APBA2: variants seen among roughly 807,000 people sequenced by gnomAD.
The protein encoded by APBA2 is amyloid beta precursor protein binding family A member 2.
APBA2 carries 30 observed loss-of-function variants against 75.0 expected under a neutral mutation model. The ratio of observed to expected loss-of-function variants is 0.40; its 90% CI spans 0.30 to 0.54. APBA2 has a LOEUF of 0.54. Ranked by LOEUF, APBA2 falls within the 20% of genes least tolerant of loss-of-function variation. The probability of loss-of-function intolerance (pLI) is 0.49; values close to 1 mark genes in which losing one functional copy is unlikely to be tolerated. For synonymous variants in APBA2, 444 were observed against 409.6 expected (o/e 1.08, Z -1.01); for missense variants, 801 against 1,016.1 (o/e 0.79, Z 2.88).
At chr15:29,092,504 G>T (rs1297688037) in intron 6 of APBA2, among the ~76,000 whole-genome samples, 1 of 152,174 alleles carries the variant, frequency 6.6e-6, no homozygotes, top group African/African-American at 2.4e-5. Context: ...TTCCATTGTG[G>T]CTGGCAGGAA....
At chr15:28,919,663 G>A (rs2033866852) in intron 1 of APBA2, among the ~76,000 whole-genome samples, 1 of 152,168 alleles carries the variant, frequency 6.6e-6, no homozygotes, top group South Asian at 2.1e-4. Context: ...CCTGCAGCGG[G>A]GACTCAGTGA....
chr15:29,046,590 G>T lies in APBA2; in HGVS notation c.-40-7255G>T, dbSNP rs1307463008. Among the ~76,000 whole-genome samples the T allele has an allele frequency of 2.0e-5, 3 of 152,244 alleles. No homozygotes were observed. The highest frequency in any genetic ancestry group is 2.0e-4 in the Admixed American group (3 of 15,290). On this transcript the variant is annotated intron_variant, in intron 3 of 14. Transcript: ENST00000683413. The surrounding 1 kb of genome is among the most constrained non-coding windows in gnomAD (Gnocchi z 5.0). ...CATCTACTTAGGGCAGAGTTTTCAAGTGCAGTCTTTGGACCTCCAACATGA... is the reference window on the plus strand; with the variant it reads ...CATCTACTTAGGGCAGAGTTTTCAATTGCAGTCTTTGGACCTCCAACATGA...
intron 3 of APBA2, among the ~76,000 whole-genome samples, chr15:29,020,829 C>T (rs571252566): frequency 2.4e-4 from 37 of 152,082 alleles, no homozygotes; most frequent in African/African-American, 7.5e-4. Context: ...AAAGACAAAA[C>T]GACCTCCTCC....
intron 3 of APBA2, among the ~76,000 whole-genome samples, chr15:29,010,935 ATGT>A (rs2039374102): frequency 6.6e-6 from 1 of 152,184 alleles, no homozygotes; most frequent in South Asian, 2.1e-4. Flanking sequence ...TAAATTCATA[ATGT>A]TGTGAAGCAG....
At chr15:28,990,400 A>AG (rs1203247919) in intron 2 of APBA2, 3 of 152,052 alleles carry the variant, frequency 2.0e-5, no homozygotes, top group Non-Finnish European at 4.4e-5. Context: ...CTTAAAAAAA[A>AG]AAAAAAAAAA....
chr15:29,044,674 C>T (rs1041996686), intron 3 of APBA2, among the ~76,000 whole-genome samples: 4 of 152,022 alleles, frequency 2.6e-5, no homozygotes, highest in African/African-American at 7.3e-5. Context: ...GTCAAAGGGT[C>T]CTGGATAAAG....
intron 3 of APBA2, among the ~76,000 whole-genome samples, chr15:29,026,154 C>T (rs1218973309): frequency 6.6e-6 from 1 of 152,100 alleles, no homozygotes; most frequent in Non-Finnish European, 1.5e-5. Context: ...AACTCAGGGC[C>T]TCAATGCCCT....
chr15:29,029,952 C>T (rs868388882), intron 3 of APBA2, among the ~76,000 whole-genome samples: 16 of 152,142 alleles, frequency 1.1e-4, no homozygotes, highest in African/African-American at 3.1e-4. Context: ...CTCCAGACCA[C>T]GCGGGCTACA....
At chr15:29,002,862 A>G (rs1438731583) in intron 3 of APBA2, among the ~76,000 whole-genome samples, 1 of 152,098 alleles carries the variant, frequency 6.6e-6, no homozygotes, top group Non-Finnish European at 1.5e-5. Flanking sequence ...GGGCGGACTC[A>G]TCAGTCCAGT....
intron 2 of APBA2, among the ~76,000 whole-genome samples, chr15:28,987,770 T>C (rs1018123939): frequency 1.5e-5 from 2 of 133,150 alleles, no homozygotes; most frequent in African/African-American, 5.8e-5. Flanking sequence ...TTTTTTTTTT[T>C]TGAGATGGAG....
intron 4 of APBA2, among the ~76,000 whole-genome samples, chr15:29,059,923 C>T (rs1401993631): frequency 6.6e-6 from 1 of 152,184 alleles, no homozygotes; most frequent in East Asian, 1.9e-4. Flanking sequence ...GCGGAGACAC[C>T]AGCCAGCCTG....
intron 2 of APBA2, among the ~76,000 whole-genome samples, chr15:28,926,401 A>C (rs2034263107): frequency 6.6e-6 from 1 of 152,122 alleles, no homozygotes; most frequent in South Asian, 2.1e-4. Context: ...ATAACACTAT[A>C]CCTCCTCCCA....
chr15:29,072,529 A>C (rs1048438575), intron 4 of APBA2, among the ~76,000 whole-genome samples: 1 of 152,070 alleles, frequency 6.6e-6, no homozygotes, highest in African/African-American at 2.4e-5. Flanking sequence ...TGAGGGGAAG[A>C]AACCTTGCAG....
At chr15:29,062,276 G>A (rs1226328412) in intron 4 of APBA2, among the ~76,000 whole-genome samples, 1 of 152,138 alleles carries the variant, frequency 6.6e-6, no homozygotes, top group Non-Finnish European at 1.5e-5. Flanking sequence ...TGCACGGGAG[G>A]GTTCTTGGGG....
chr15:28,952,857 A>G (rs376868312), intron 2 of APBA2, among the ~76,000 whole-genome samples: 2 of 152,224 alleles, frequency 1.3e-5, no homozygotes, highest in East Asian at 3.8e-4. Flanking sequence ...CATTGTATAG[A>G]TAGAGAAACT....
At chr15:28,897,717 T>C (rs777110549) in intron 1 of APBA2, among the ~76,000 whole-genome samples, 2 of 151,880 alleles carry the variant, frequency 1.3e-5, no homozygotes, top group Non-Finnish European at 2.9e-5. Flanking sequence ...GAGTAGACAT[T>C]CGTACAACTG....
chr15:28,978,400 G>A (rs1340245965), intron 2 of APBA2, among the ~76,000 whole-genome samples: 1 of 152,212 alleles, frequency 6.6e-6, no homozygotes. Context: ...GTAGAGCTTT[G>A]AGCCGCCAGA....
intron 1 of APBA2, among the ~76,000 whole-genome samples, chr15:28,894,409 G>A (rs1022289262): frequency 1.3e-5 from 2 of 152,182 alleles, no homozygotes; most frequent in African/African-American, 4.8e-5. Flanking sequence ...CTGGCTCTGG[G>A]TCCAAGGCCC....
At chr15:29,009,647 GA>G (rs2039301872) in intron 3 of APBA2, among the ~76,000 whole-genome samples, 1 of 144,694 alleles carries the variant, frequency 6.9e-6, no homozygotes, top group African/African-American at 2.8e-5. Context: ...GCAAATGTTT[GA>G]ATTTTTTTTT....
Sources: gnomAD v4.1 joint callset for allele counts (sites outside exome capture counted in the v4.1 genomes callset) on GRCh38, gnomAD v4.1.1 for gene constraint, Gnocchi (gnomAD v3.1) non-coding constraint, MANE v1.5 for transcripts, NCBI Gene and HGNC (gene_info 2026-07-23, HGNC 2026-07-21) for gene names.